The following CCDC148 variants were observed in gnomAD, a reference collection of about 807,000 sequenced individuals.
CCDC148 encodes coiled-coil domain-containing protein 148.
In CCDC148, 89 loss-of-function variants were observed where a neutral mutation model predicts 85.7. That is an observed-to-expected ratio of 1.04 (90% CI 0.87 to 1.24). The LOEUF (loss-of-function observed/expected upper bound fraction) is 1.24, where lower values mean the gene tolerates loss of function less well. CCDC148 is among the 50% of genes most tolerant of loss of function. The pLI, the probability that CCDC148 is intolerant of heterozygous loss-of-function variation, is 0.00. For missense variants in CCDC148, 692 were observed against 671.7 expected, an observed-to-expected ratio of 1.03 and a Z score of -0.33; for synonymous variants, 230 against 213.9, an observed-to-expected ratio of 1.08 and a Z score of -0.66.
At chr2:158,350,002 T>A (rs1683180487) in intron 2 of CCDC148, among the ~76,000 whole-genome samples, 1 of 152,154 alleles carries the variant, frequency 6.6e-6, no homozygotes, top group Non-Finnish European at 1.5e-5. Flanking sequence ...TGCCAAGCTA[T>A]GAATCTCAGG....
intron 11 of CCDC148, among the ~76,000 whole-genome samples, chr2:158,197,519 C>T (rs6721797): frequency 0.028 from 4,257 of 152,180 alleles, 184 homozygotes; most frequent in African/African-American, 0.096. Context: ...ATACCTAAGA[C>T]ACATGATACC....
chr2:158,233,714 A>T (rs1239964216), intron 10 of CCDC148, among the ~76,000 whole-genome samples: 2 of 151,928 alleles, frequency 1.3e-5, no homozygotes, highest in Non-Finnish European at 2.9e-5. Context: ...GAGAATGGGG[A>T]CCTGGTACAT....
intron 2 of CCDC148, among the ~76,000 whole-genome samples, chr2:158,347,694 C>T (rs1250972357): frequency 6.6e-6 from 1 of 151,916 alleles, no homozygotes; most frequent in African/African-American, 2.4e-5. Context: ...TGTGATGGTC[C>T]AAGATAATAA....
chr2:158,338,510 T>A, intron 7 of CCDC148: 1 of 398,808 alleles, frequency 2.5e-6, no homozygotes, highest in Non-Finnish European at 4.4e-6. Flanking sequence ...ATTTTCAACA[T>A]GTCTTAACCT....
At chr2:158,335,571 G>T (rs1452283959) in intron 7 of CCDC148, among the ~76,000 whole-genome samples, 1 of 152,102 alleles carries the variant, frequency 6.6e-6, no homozygotes, top group East Asian at 1.9e-4. Flanking sequence ...TTACATGGTG[G>T]CAGGCAAGAG....
chr2:158,335,643 T>G (rs1246928052), intron 7 of CCDC148, among the ~76,000 whole-genome samples: 1 of 152,066 alleles, frequency 6.6e-6, no homozygotes, highest in African/African-American at 2.4e-5. Context: ...TTCACTACCA[T>G]GAGAACAGTA....
chr2:158,293,553 C>T lies in CCDC148; in HGVS notation c.1110+15880G>A, dbSNP rs141333662. Among the ~76,000 whole-genome samples, 1,141 of 152,268 alleles carry T rather than the reference C, an allele frequency of 7.5e-3. 17 individuals carry two copies. The highest frequency in any genetic ancestry group is 0.026 in the African/African-American group (1,097 of 41,544). On this transcript the variant is annotated intron_variant, in intron 9 of 13. Transcript: ENST00000283233. ...GAGAAGCCAAGGACTATAGTCACCA[C>T]TTAACAAAATGTTTTTTTCCCCTAA...
chr2:158,384,102 T>A (rs1255996050), intron 1 of CCDC148, among the ~76,000 whole-genome samples: 3 of 152,202 alleles, frequency 2.0e-5, no homozygotes, highest in Non-Finnish European at 2.9e-5. Context: ...AGAAGTGATG[T>A]GCTCTTCTCA....
chr2:158,182,372 T>C (rs926892146), intron 11 of CCDC148, among the ~76,000 whole-genome samples: 3 of 152,004 alleles, frequency 2.0e-5, no homozygotes, highest in African/African-American at 7.2e-5. Flanking sequence ...GGTCCTAAGA[T>C]GTTAGGGAAA....
chr2:158,187,055 C>T (rs1685189225), intron 11 of CCDC148, among the ~76,000 whole-genome samples: 1 of 152,038 alleles, frequency 6.6e-6, no homozygotes, highest in Admixed American at 6.6e-5. Context: ...TTTATTCTCT[C>T]CCCAGCTGCT....
At chr2:158,200,088 A>C (rs1037074073) in intron 11 of CCDC148, among the ~76,000 whole-genome samples, 4 of 152,198 alleles carry the variant, frequency 2.6e-5, no homozygotes, top group Non-Finnish European at 5.9e-5. Flanking sequence ...TCCAAAAAAA[A>C]TCAGCTGCAC....
At chr2:158,240,543 T>C (rs1688313109) in intron 10 of CCDC148, among the ~76,000 whole-genome samples, 2 of 140,910 alleles carry the variant, frequency 1.4e-5, no homozygotes, top group South Asian at 2.3e-4. Context: ...ACAAGGAGAG[T>C]CATGAGGGAA....
intron 9 of CCDC148, among the ~76,000 whole-genome samples, chr2:158,278,761 T>G (rs1164497184): frequency 6.6e-6 from 1 of 152,244 alleles, no homozygotes; most frequent in Non-Finnish European, 1.5e-5. Context: ...GTCTGACAGC[T>G]TTGAAGAGAG....
At chr2:158,184,085 G>C in intron 11 of CCDC148, among the ~76,000 whole-genome samples, 1 of 152,078 alleles carries the variant, frequency 6.6e-6, no homozygotes, top group African/African-American at 2.4e-5. Flanking sequence ...ACACGGGCTG[G>C]GAGTCTCCAC....
chr2:158,406,406 T>C (rs566359995), intron 1 of CCDC148, among the ~76,000 whole-genome samples: 7 of 152,148 alleles, frequency 4.6e-5, no homozygotes, highest in Non-Finnish European at 4.4e-5. Flanking sequence ...GGGCTGGGCC[T>C]GTATGTTTCT....
chr2:158,250,723 G>A, intron 10 of CCDC148, 49 bp downstream of exon 10: 1 of 1,487,334 alleles, frequency 6.7e-7, no homozygotes, highest in Non-Finnish European at 8.9e-7. Flanking sequence ...AGCTCAATCA[G>A]GCCATTAAGC....
At chr2:158,352,317 GA>G (rs1032519026) in intron 2 of CCDC148, among the ~76,000 whole-genome samples, 9 of 151,846 alleles carry the variant, frequency 5.9e-5, no homozygotes, top group Non-Finnish European at 1.0e-4. Flanking sequence ...GAAAGAAGTT[GA>G]AAACTTTGAA....
chr2:158,400,382 C>G (rs1439834492), intron 1 of CCDC148, among the ~76,000 whole-genome samples: 2 of 152,036 alleles, frequency 1.3e-5, no homozygotes, highest in Non-Finnish European at 2.9e-5. Flanking sequence ...TGGAACAGAA[C>G]AGAGGTCTCA....
chr2:158,268,441 A>G (rs1403698942), intron 9 of CCDC148, among the ~76,000 whole-genome samples: 1 of 152,096 alleles, frequency 6.6e-6, no homozygotes, highest in Non-Finnish European at 1.5e-5. Context: ...AAATTTTTAA[A>G]ATTTTCCAGA....
Sources: allele counts gnomAD v4.1 joint callset (sites outside exome capture counted in the v4.1 genomes callset), GRCh38; gene constraint gnomAD v4.1.1; transcripts MANE v1.5; gene names NCBI Gene and HGNC (gene_info 2026-07-23, HGNC 2026-07-21).